Variants in MAMDC2 observed in about 807,000 individuals in gnomAD.
The protein encoded by MAMDC2 is MAM domain containing 2.
In MAMDC2, 57 loss-of-function variants were observed where a neutral mutation model predicts 89.8. That is an observed-to-expected ratio of 0.63 (90% CI 0.51 to 0.79). The LOEUF (loss-of-function observed/expected upper bound fraction) is 0.79. Ranked by LOEUF, MAMDC2 falls within the 30% of genes least tolerant of loss-of-function variation. The pLI is 0.00. For missense variants in MAMDC2, 800 were observed against 820.6 expected (o/e 0.97, Z 0.31); for synonymous variants, 313 against 293.4 (o/e 1.07, Z -0.68).
At chr9:70,073,332 A>C (rs923710349) in intron 2 of MAMDC2, among the ~76,000 whole-genome samples, 8 of 152,234 alleles carry the variant, frequency 5.3e-5, no homozygotes, top group African/African-American at 9.6e-5. Context: ...GTACCTGAAG[A>C]GCACTGAATA....
At chr9:70,179,174 T>C (rs1188550652) in intron 11 of MAMDC2, among the ~76,000 whole-genome samples, 1 of 152,120 alleles carries the variant, frequency 6.6e-6, no homozygotes, top group Non-Finnish European at 1.5e-5. Context: ...AAATTACCTG[T>C]AACTAAGACA....
At chr9:70,123,651 C>T (rs2030391217) in intron 5 of MAMDC2, among the ~76,000 whole-genome samples, 1 of 152,150 alleles carries the variant, frequency 6.6e-6, no homozygotes, top group African/African-American at 2.4e-5. Flanking sequence ...GTGCAGAGGT[C>T]ATTAGCTAAG....
rs1223721927 is a variant in MAMDC2, at chr9:70,109,799, G to C, written c.500G>C (p.Cys167Ser). The change falls in exon 4 of 14, where the codon TGT becomes TCT. Residue 167 changes from cysteine to serine, a missense_variant. By Grantham distance (112) the Cys-to-Ser change is moderately radical. Transcript: ENST00000377182. Reference sequence around the variant, plus strand: ...GAAATCAAGATGACAACCGGCTACTGTATTGGTAAGTGGGCTTCATTTTCA... The same window carrying C: ...GAAATCAAGATGACAACCGGCTACTCTATTGGTAAGTGGGCTTCATTTTCA... Reference protein sequence around the residue: ...LFEIKMTTGYCIECDFEENHL... With the variant: ...LFEIKMTTGYSIECDFEENHL... 2.5e-6 allele frequency: 4 copies of C among 1,611,906 alleles called. No individual in the cohort carries two copies. The highest frequency in any genetic ancestry group is 3.4e-6 in the Non-Finnish European group (4 of 1,178,178).
At chr9:70,152,962 C>A (rs1486754804) in intron 9 of MAMDC2, among the ~76,000 whole-genome samples, 1 of 152,028 alleles carries the variant, frequency 6.6e-6, no homozygotes, top group Non-Finnish European at 1.5e-5. Context: ...ATGTTTTTTT[C>A]TTAGTCCTGA....
intron 11 of MAMDC2, chr9:70,217,734 A>C: frequency 8.5e-7 from 1 of 1,174,334 alleles, no homozygotes; most frequent in Non-Finnish European, 1.2e-6. Flanking sequence ...GTATGTTTTC[A>C]AAACTAAAAA....
intron 2 of MAMDC2, among the ~76,000 whole-genome samples, chr9:70,097,461 C>T (rs968019401): frequency 1.3e-5 from 2 of 152,202 alleles, no homozygotes; most frequent in African/African-American, 4.8e-5. Context: ...TTACCCCACC[C>T]ATGACCCTGT....
At chr9:70,217,803 C>T in intron 11 of MAMDC2, 4 of 666,732 alleles carry the variant, frequency 6.0e-6, no homozygotes, top group South Asian at 1.9e-5. Flanking sequence ...ATGGAATATG[C>T]ATAACATGTG....
chr9:70,212,752 G>A (rs2033381950), intron 11 of MAMDC2, among the ~76,000 whole-genome samples: 1 of 152,150 alleles, frequency 6.6e-6, no homozygotes, highest in Non-Finnish European at 1.5e-5. Flanking sequence ...GGCCATCTTG[G>A]AACCTCCTCC....
intron 11 of MAMDC2, among the ~76,000 whole-genome samples, chr9:70,210,422 A>G (rs1266665979): frequency 6.6e-6 from 1 of 152,122 alleles, no homozygotes; most frequent in African/African-American, 2.4e-5. Flanking sequence ...TTGTTGGTTT[A>G]AAGTCTGTTT....
chr9:70,195,844 C>T (rs962462141), intron 11 of MAMDC2, among the ~76,000 whole-genome samples: 2 of 152,024 alleles, frequency 1.3e-5, no homozygotes, highest in African/African-American at 4.8e-5. Context: ...TGAAAGTTCT[C>T]GACTTGATAA....
chr9:70,179,337 C>T (rs1173087366), intron 11 of MAMDC2, among the ~76,000 whole-genome samples: 1 of 111,250 alleles, frequency 9.0e-6, no homozygotes, highest in Admixed American at 1.1e-4. Flanking sequence ...ACGGTGAAAC[C>T]TCGTCTCTAC....
chr9:70,054,952 C>G (rs1826995036), intron 2 of MAMDC2, among the ~76,000 whole-genome samples: 1 of 152,080 alleles, frequency 6.6e-6, no homozygotes, highest in African/African-American at 2.4e-5. Context: ...GTAGCTCATC[C>G]CTGTAATCCC....
chr9:70,168,081 T>A (rs1317251024), intron 9 of MAMDC2, among the ~76,000 whole-genome samples: 2 of 152,250 alleles, frequency 1.3e-5, no homozygotes, highest in African/African-American at 4.8e-5. Flanking sequence ...GACAGGCATT[T>A]CTCTGTCACG....
At chr9:70,057,232 A>G (rs1827043512) in intron 2 of MAMDC2, among the ~76,000 whole-genome samples, 1 of 152,198 alleles carries the variant, frequency 6.6e-6, no homozygotes. Flanking sequence ...ACTGTTAGAA[A>G]TCAATCCCAG....
Position 70,170,616 on chromosome 9 carries a change from C to G in MAMDC2, c.1636C>G (p.His546Asp), listed in dbSNP as rs533097137. Residue 546 changes from histidine to aspartate, a missense_variant, in exon 11 of 14, where the codon CAC (histidine) becomes GAC (aspartate). His to Asp is a moderately conservative substitution (Grantham distance 81). Coordinates refer to ENST00000377182, the MANE Select transcript of MAMDC2 (RefSeq NM_153267.5). ...TTCCTACACAGGACCAAAGGGAGAT[C>G]ACACTACTGGGGTAGGTGAGTTATG... The part of the protein sequence containing the change: ...PTSYTGPKGD[H>D]TTGVGYYMYI... 7.2e-5 allele frequency: 116 copies of G among 1,607,434 alleles called. 2 individuals carry two copies. In the South Asian group the frequency reaches 1.2e-3, roughly 17 times the overall value.
chr9:70,143,502 T>C, intron 8 of MAMDC2, 52 bp from the exon 9 acceptor site: 2 of 1,590,186 alleles, frequency 1.3e-6, no homozygotes, highest in South Asian at 2.2e-5. Context: ...TACCACTTGC[T>C]AATCTAGATT....
intron 9 of MAMDC2, among the ~76,000 whole-genome samples, chr9:70,152,037 C>A (rs1293087085): frequency 6.6e-6 from 1 of 152,138 alleles, no homozygotes; most frequent in Non-Finnish European, 1.5e-5. Flanking sequence ...GCAGCCCGCA[C>A]AGAACTGTAA....
intron 9 of MAMDC2, among the ~76,000 whole-genome samples, chr9:70,144,288 A>G (rs548524420): frequency 6.6e-6 from 1 of 152,354 alleles, no homozygotes; most frequent in East Asian, 1.9e-4. Context: ...AGCTGAACAC[A>G]GGATGAGGAA....
chr9:70,141,075 G>C (rs2031200941), intron 8 of MAMDC2, among the ~76,000 whole-genome samples: 1 of 152,132 alleles, frequency 6.6e-6, no homozygotes, highest in South Asian at 2.1e-4. Context: ...GTTTACCGTG[G>C]AGCTGGTGAA....
Sources: gnomAD v4.1 joint callset for allele counts (sites outside exome capture counted in the v4.1 genomes callset) on GRCh38, gnomAD v4.1.1 for gene constraint, MANE v1.5 for transcripts, NCBI Gene and HGNC (gene_info 2026-07-23, HGNC 2026-07-21) for gene names.